Variants in PPM1H observed in about 807,000 individuals in gnomAD.
The protein encoded by PPM1H is protein phosphatase, Mg2+/Mn2+ dependent 1H.
A neutral mutation model predicts 54.9 loss-of-function variants in PPM1H; 27 were observed. That is an observed-to-expected ratio of 0.49 (90% CI 0.36 to 0.68). The LOEUF (loss-of-function observed/expected upper bound fraction) is 0.68. Among genes scored for constraint, PPM1H ranks in the 30% least tolerant of loss-of-function variants. The pLI, the probability that PPM1H is intolerant of heterozygous loss-of-function variation, is 0.00. For missense variants in PPM1H, 596 were observed against 667.8 expected, an observed-to-expected ratio of 0.89 and a Z score of 1.19; for synonymous variants, 305 against 270.8, an observed-to-expected ratio of 1.13 and a Z score of -1.24.
chr12:62,882,753 C>T (rs991932165), intron 1 of PPM1H, among the ~76,000 whole-genome samples: 4 of 152,190 alleles, frequency 2.6e-5, no homozygotes, highest in African/African-American at 9.7e-5. Context: ...AGAAATATTG[C>T]TTTATTTCAG....
chr12:62,876,541 T>C (rs547441795), intron 1 of PPM1H, among the ~76,000 whole-genome samples: 267 of 152,294 alleles, frequency 1.8e-3, no homozygotes, highest in African/African-American at 6.2e-3. Flanking sequence ...CACACGAGGA[T>C]GTTCAACTTA....
At chr12:62,658,456 C>T (rs952420616) in intron 9 of PPM1H, among the ~76,000 whole-genome samples, 1 of 151,574 alleles carries the variant, frequency 6.6e-6, no homozygotes, top group Non-Finnish European at 1.5e-5. Flanking sequence ...TATTTGCCTC[C>T]GTTTTGAATA....
chr12:62,923,270 G>A (rs1871859321), intron 1 of PPM1H, among the ~76,000 whole-genome samples: 1 of 152,018 alleles, frequency 6.6e-6, no homozygotes, highest in Admixed American at 6.5e-5. Flanking sequence ...CACAGAAATG[G>A]GTACACACAC....
chr12:62,860,223 A>G (rs1869547639), intron 1 of PPM1H, among the ~76,000 whole-genome samples: 1 of 152,162 alleles, frequency 6.6e-6, no homozygotes, highest in Non-Finnish European at 1.5e-5. Context: ...CATTACCATT[A>G]GATCTCGTGA....
At chr12:62,841,834 T>C (rs894702410) in intron 1 of PPM1H, among the ~76,000 whole-genome samples, 1 of 152,212 alleles carries the variant, frequency 6.6e-6, no homozygotes, top group Non-Finnish European at 1.5e-5. Flanking sequence ...CAAAAGAAGA[T>C]ATAATGTTGC....
At chr12:62,665,631 T>C (rs2075913682) in intron 9 of PPM1H, among the ~76,000 whole-genome samples, 1 of 152,236 alleles carries the variant, frequency 6.6e-6, no homozygotes, top group African/African-American at 2.4e-5. Flanking sequence ...ATTCAGTGAA[T>C]TTTTAATTCC....
intron 6 of PPM1H, among the ~76,000 whole-genome samples, chr12:62,718,012 G>C (rs1016052389): frequency 1.3e-5 from 2 of 152,138 alleles, no homozygotes; most frequent in African/African-American, 4.8e-5. Flanking sequence ...AAGAACATAG[G>C]TACAGCCTTG....
chr12:62,693,868 C>T (rs367564688), intron 7 of PPM1H, 68 bp downstream of exon 7: 15 of 1,416,572 alleles, frequency 1.1e-5, no homozygotes, highest in African/African-American at 8.5e-5. Context: ...CGGACTGCCA[C>T]GGGCTATGTG....
chr12:62,756,313 A>G, intron 4 of PPM1H: 1 of 550,854 alleles, frequency 1.8e-6, no homozygotes, highest in Non-Finnish European at 3.4e-6. Flanking sequence ...TGCCATACTC[A>G]GTCCCCCACA....
intron 2 of PPM1H, among the ~76,000 whole-genome samples, chr12:62,812,255 A>G (rs926754622): frequency 5.3e-5 from 8 of 152,216 alleles, no homozygotes; most frequent in African/African-American, 1.9e-4. Context: ...GCTTCAGAAA[A>G]TGTTGATGGG....
intron 4 of PPM1H, among the ~76,000 whole-genome samples, chr12:62,780,660 T>A (rs1005807678): frequency 3.9e-5 from 6 of 152,224 alleles, no homozygotes; most frequent in Admixed American, 3.9e-4. Context: ...TTACTGTGGT[T>A]AAGCTTCACC....
At chr12:62,920,157 T>C (rs1428748142) in intron 1 of PPM1H, among the ~76,000 whole-genome samples, 2 of 152,160 alleles carry the variant, frequency 1.3e-5, no homozygotes, top group Non-Finnish European at 2.9e-5. Context: ...TCGCACTCTT[T>C]GGCTCCACTC....
chr12:62,820,545 C>T (rs1428987991), intron 2 of PPM1H, among the ~76,000 whole-genome samples: 1 of 152,166 alleles, frequency 6.6e-6, no homozygotes, highest in African/African-American at 2.4e-5. Flanking sequence ...ACAAAGCTTC[C>T]AGAGGAACGA....
intron 1 of PPM1H, among the ~76,000 whole-genome samples, chr12:62,869,390 G>A (rs1333598768): frequency 6.6e-6 from 1 of 151,906 alleles, no homozygotes; most frequent in African/African-American, 2.4e-5. Context: ...GAATTCAAAG[G>A]GGCATGTAAT....
At chr12:62,891,401 C>T (rs574295612) in intron 1 of PPM1H, among the ~76,000 whole-genome samples, 6 of 152,200 alleles carry the variant, frequency 3.9e-5, no homozygotes, top group Non-Finnish European at 5.9e-5. Context: ...TTTTCATTTA[C>T]AATTATTGAA....
intron 6 of PPM1H, 41 bp from the exon 7 acceptor site, chr12:62,694,040 A>T: frequency 1.3e-6 from 2 of 1,558,100 alleles, no homozygotes; most frequent in Non-Finnish European, 1.8e-6. Context: ...GTTTGCACTC[A>T]ATTAGTGACC....
At chr12:62,916,360 T>C (rs1234580513) in intron 1 of PPM1H, among the ~76,000 whole-genome samples, 1 of 152,212 alleles carries the variant, frequency 6.6e-6, no homozygotes, top group Non-Finnish European at 1.5e-5. Context: ...AACCATTTAA[T>C]AACATAACAC....
chr12:62,883,618 C>G (rs1249578292), intron 1 of PPM1H, among the ~76,000 whole-genome samples: 4 of 152,174 alleles, frequency 2.6e-5, no homozygotes, highest in Non-Finnish European at 5.9e-5. Flanking sequence ...AAAGACTAAC[C>G]TGCTTGTAGT....
intron 1 of PPM1H, among the ~76,000 whole-genome samples, chr12:62,892,993 T>A (rs753054634): frequency 6.6e-6 from 1 of 152,190 alleles, no homozygotes; most frequent in Non-Finnish European, 1.5e-5. Flanking sequence ...GAAGTGAGAT[T>A]CTGAGACTTT....
Sources: gnomAD v4.1 joint callset for allele counts (sites outside exome capture counted in the v4.1 genomes callset) on GRCh38, gnomAD v4.1.1 for gene constraint, MANE v1.5 for transcripts, NCBI Gene and HGNC (gene_info 2026-07-23, HGNC 2026-07-21) for gene names.